Variants in EEA1 observed in about 807,000 individuals in gnomAD.
The protein encoded by EEA1 is early endosome antigen 1, also known as early endosome antigen 1, 162kD.
In EEA1, 111 loss-of-function variants were observed where a neutral mutation model predicts 209.2. The observed-to-expected ratio is 0.53, with a 90% CI of 0.45 to 0.62. The LOEUF (loss-of-function observed/expected upper bound fraction) is 0.62, where lower values mean the gene tolerates loss of function less well. Among genes scored for constraint, EEA1 ranks in the 20% least tolerant of loss-of-function variants. The pLI is 0.00. For missense variants in EEA1, 1,343 were observed against 1,530.8 expected (o/e 0.88, Z 2.05); for synonymous variants, 536 against 540.6 (o/e 0.99, Z 0.12).
Position 92,889,156 on chromosome 12 carries a change from T to TAA in EEA1, c.117+2471_117+2472dup, listed in dbSNP as rs200345829. On this transcript the variant is annotated intron_variant, in intron 2 of 28. Coordinates refer to ENST00000322349, the MANE Select transcript of EEA1 (RefSeq NM_003566.4). ...AAGCAAGACTCTGTCTCAAAAACATTAAAAAAAAAAAAAACACTAAATGAA... is the reference window on the plus strand; with the variant it reads ...AAGCAAGACTCTGTCTCAAAAACATTAAAAAAAAAAAAAAAACACTAAATGAA... Among the ~76,000 whole-genome samples, 1,131 of 130,962 alleles carry TAA rather than the reference T, an allele frequency of 8.6e-3. 22 individuals carry two copies. Among genetic ancestry groups the TAA allele is most frequent in the African/African-American group, 0.029 (1,039 of 35,860 alleles). 85.9% of individuals were successfully genotyped at this position (130,962 alleles called of 152,430 possible).
chr12:92,790,809 G>A (rs887426643), intron 21 of EEA1, among the ~76,000 whole-genome samples: 1 of 152,120 alleles, frequency 6.6e-6, no homozygotes, highest in Admixed American at 6.5e-5. Flanking sequence ...GCAACTCCAA[G>A]ACACATAATT....
intron 2 of EEA1, among the ~76,000 whole-genome samples, chr12:92,886,863 T>C (rs1879430152): frequency 6.6e-6 from 1 of 151,684 alleles, no homozygotes; most frequent in South Asian, 2.1e-4. Flanking sequence ...CCGGGTGTGG[T>C]GGCAGGCGCC....
chr12:92,831,516 T>C (rs1018315399), intron 11 of EEA1, among the ~76,000 whole-genome samples: 50 of 148,080 alleles, frequency 3.4e-4, no homozygotes, highest in African/African-American at 1.1e-3. Context: ...ATATGAATAA[T>C]ATATGAATTA....
At chr12:92,886,485 A>G (rs1592757869) in intron 2 of EEA1, among the ~76,000 whole-genome samples, 2 of 36,550 alleles carry the variant, frequency 5.5e-5, no homozygotes. Context: ...AAAGGAGGGG[A>G]GGAGAGGGGA....
chr12:92,871,798 T>C (rs1295567623), intron 2 of EEA1, among the ~76,000 whole-genome samples: 1 of 152,214 alleles, frequency 6.6e-6, no homozygotes, highest in Non-Finnish European at 1.5e-5. Flanking sequence ...TATTATTTTG[T>C]TTATGACACT....
chr12:92,816,977 T>A (rs752150224), intron 14 of EEA1, among the ~76,000 whole-genome samples: 3 of 151,428 alleles, frequency 2.0e-5, no homozygotes, highest in Non-Finnish European at 4.4e-5. Context: ...TCATTTGATA[T>A]TTCTTTGATG....
chr12:92,908,668 ATT>A (rs1171751989), intron 1 of EEA1, among the ~76,000 whole-genome samples: 1 of 152,198 alleles, frequency 6.6e-6, no homozygotes, highest in Non-Finnish European at 1.5e-5. Context: ...TAATATTCAT[ATT>A]GTTAATTTTA....
At chr12:92,870,090 A>G (rs1168666445) in intron 2 of EEA1, among the ~76,000 whole-genome samples, 2 of 152,070 alleles carry the variant, frequency 1.3e-5, no homozygotes, top group Non-Finnish European at 2.9e-5. Context: ...CTTTTTGCAA[A>G]TAATACCTAT....
intron 2 of EEA1, among the ~76,000 whole-genome samples, chr12:92,890,087 CA>C (rs1879599715): frequency 6.6e-6 from 1 of 152,148 alleles, no homozygotes; most frequent in Non-Finnish European, 1.5e-5. Flanking sequence ...TGAAGGAAAG[CA>C]AATAACACAT....
At chr12:92,885,367 C>A (rs942216107) in intron 2 of EEA1, among the ~76,000 whole-genome samples, 5 of 152,096 alleles carry the variant, frequency 3.3e-5, no homozygotes, top group Admixed American at 1.3e-4. Flanking sequence ...AATGTTAAAA[C>A]CTACAGCTTG....
intron 22 of EEA1, among the ~76,000 whole-genome samples, chr12:92,786,073 C>T (rs1246567667): frequency 1.3e-5 from 2 of 151,756 alleles, no homozygotes; most frequent in Non-Finnish European, 2.9e-5. Context: ...CTTTTCCAAT[C>T]AAACATTAAG....
chr12:92,770,875 G>A lies in EEA1; in HGVS notation c.*5136C>T, dbSNP rs1375971811. The A allele has an allele frequency of 6.6e-6, 1 of 151,994 alleles. No individual in the cohort carries two copies. Among genetic ancestry groups the A allele is most frequent in the Non-Finnish European group, 1.5e-5 (1 of 67,954 alleles). 9.4% of individuals were successfully genotyped at this position (151,994 alleles called of 1,614,324 possible). On this transcript the variant is annotated 3_prime_UTR_variant, in exon 29 of 29. Transcript: ENST00000322349. ...TTTCACCAGTTAACACTTTTGCATGGCTTTTCTTGGCCTGTTGTGAAGTGT... is the reference window on the plus strand; with the variant it reads ...TTTCACCAGTTAACACTTTTGCATGACTTTTCTTGGCCTGTTGTGAAGTGT...
intron 22 of EEA1, among the ~76,000 whole-genome samples, 168 bp downstream of exon 22, chr12:92,787,699 T>C (rs1874192939): frequency 6.6e-6 from 1 of 152,146 alleles, no homozygotes; most frequent in Admixed American, 6.6e-5. Flanking sequence ...ATGCCCACAT[T>C]TTAAACAATT....
In EEA1 at chr12:92,787,801, A is replaced by G. The variant is rs545652147; in HGVS notation, c.3150+66T>C. ...CATTTCCTTGCCCATTTGGATTCAA[A>G]TAGATCATTTAATAAATGTCTATAA... On this transcript the variant is annotated intron_variant, in intron 22 of 28. Transcript: ENST00000322349. 437 of 1,269,328 alleles carry G rather than the reference A, an allele frequency of 3.4e-4. 1 individual carries two copies. Among genetic ancestry groups the G allele is most frequent in the Middle Eastern group, 3.2e-3 (11 of 3,456 alleles). 78.6% of individuals were successfully genotyped at this position (1,269,328 alleles called of 1,614,324 possible).
At chr12:92,787,287 C>G (rs61933713) in intron 22 of EEA1, among the ~76,000 whole-genome samples, 48,504 of 151,896 alleles carry the variant, frequency 0.32, 9,346 homozygotes, top group East Asian at 0.87. Context: ...AAACTGGTAC[C>G]TTCCTGTGAC....
intron 21 of EEA1, 65 bp downstream of exon 21, chr12:92,798,806 AACTTATCCATCTGTATTAATC>A: frequency 9.7e-7 from 1 of 1,027,844 alleles, no homozygotes; most frequent in Non-Finnish European, 1.3e-6. Flanking sequence ...TCAATGTTGC[AACTTATCCATCTGTATTAATC>A]ATCATACTAT....
At chr12:92,851,363 C>G in intron 8 of EEA1, 97 bp from the exon 9 acceptor site, 1 of 1,189,848 alleles carries the variant, frequency 8.4e-7, no homozygotes, top group Non-Finnish European at 1.2e-6. Flanking sequence ...AAAAGGGAAA[C>G]AATCATCAAT....
chr12:92,779,333 C>A (rs761894353), intron 24 of EEA1, 33 bp from the exon 25 acceptor site: 1 of 1,547,666 alleles, frequency 6.5e-7, no homozygotes, highest in Non-Finnish European at 8.7e-7. Flanking sequence ...AATAAATCAT[C>A]CTTCATAGTA....
intron 1 of EEA1, among the ~76,000 whole-genome samples, chr12:92,912,849 C>G (rs1428202342): frequency 6.6e-6 from 1 of 152,154 alleles, no homozygotes; most frequent in Non-Finnish European, 1.5e-5. Flanking sequence ...CAGTTCCATC[C>G]CTGTTGCTAC....
Sources: allele counts gnomAD v4.1 joint callset (sites outside exome capture counted in the v4.1 genomes callset), GRCh38; gene constraint gnomAD v4.1.1; transcripts MANE v1.5; gene names NCBI Gene and HGNC (gene_info 2026-07-23, HGNC 2026-07-21).